GRM8: variants seen among roughly 807,000 people sequenced by gnomAD.
GRM8 encodes metabotropic glutamate receptor 8.
In GRM8, 47 loss-of-function variants were observed where a neutral mutation model predicts 87.2. The ratio of observed to expected loss-of-function variants is 0.54; its 90% confidence interval spans 0.43 to 0.69. The LOEUF is 0.69. GRM8 is among the 30% of genes least tolerant of loss of function. GRM8 has a pLI of 0.00. For synonymous variants in GRM8, 396 were observed against 404.5 expected, an observed-to-expected ratio of 0.98 and a Z score of 0.25; for missense variants, 1,019 against 1,139.2, an observed-to-expected ratio of 0.89 and a Z score of 1.52.
chr7:126,961,364 T>G (rs998001298), intron 3 of GRM8, among the ~76,000 whole-genome samples: 1 of 152,246 alleles, frequency 6.6e-6, no homozygotes, highest in Non-Finnish European at 1.5e-5. Context: ...GTTAATACCC[T>G]TTGCTTAATT....
intron 2 of GRM8, among the ~76,000 whole-genome samples, chr7:127,148,856 A>G (rs1828693876): frequency 6.6e-6 from 1 of 152,092 alleles, no homozygotes; most frequent in Non-Finnish European, 1.5e-5. Flanking sequence ...AGTCTTCAAC[A>G]AATGGTGCAG....
intron 6 of GRM8, among the ~76,000 whole-genome samples, chr7:126,896,617 G>A (rs1801565135): frequency 6.6e-6 from 1 of 152,092 alleles, no homozygotes; most frequent in Admixed American, 6.6e-5. Flanking sequence ...AGTTAATCTA[G>A]CACCAGAAAA....
At chr7:126,561,445 G>C (rs531879872) in intron 8 of GRM8, among the ~76,000 whole-genome samples, 74 of 151,650 alleles carry the variant, frequency 4.9e-4, no homozygotes, top group South Asian at 8.3e-4. Context: ...CTCCAGCCTG[G>C]GCAACAGAGT....
At chr7:126,642,187 T>C (rs1471285737) in intron 7 of GRM8, among the ~76,000 whole-genome samples, 1 of 152,138 alleles carries the variant, frequency 6.6e-6, no homozygotes. Flanking sequence ...TCTTAATGAG[T>C]ATATATTTTA....
At chr7:126,757,860 A>G (rs1257805890) in intron 7 of GRM8, among the ~76,000 whole-genome samples, 1 of 152,084 alleles carries the variant, frequency 6.6e-6, no homozygotes, top group Non-Finnish European at 1.5e-5. Context: ...TATCTATCCT[A>G]TCCTTTTACT....
At chr7:126,488,319 A>C (rs1189177460) in intron 9 of GRM8, among the ~76,000 whole-genome samples, 3 of 151,528 alleles carry the variant, frequency 2.0e-5, no homozygotes, top group Non-Finnish European at 4.4e-5. Context: ...ATGTCAACTC[A>C]GTGAAAAAGA....
At chr7:126,698,331 A>G (rs1043626867) in intron 7 of GRM8, among the ~76,000 whole-genome samples, 9 of 152,158 alleles carry the variant, frequency 5.9e-5, no homozygotes, top group African/African-American at 1.9e-4. Flanking sequence ...AATATAATAG[A>G]ATTGTTCTAT....
At chr7:126,678,943 A>C (rs1807267650) in intron 7 of GRM8, among the ~76,000 whole-genome samples, 1 of 152,256 alleles carries the variant, frequency 6.6e-6, no homozygotes, top group Non-Finnish European at 1.5e-5. Flanking sequence ...GTAAATCATT[A>C]ATAAGAAATT....
At chr7:126,478,929 A>G (rs1806322301) in intron 9 of GRM8, among the ~76,000 whole-genome samples, 1 of 152,118 alleles carries the variant, frequency 6.6e-6, no homozygotes, top group Non-Finnish European at 1.5e-5. Context: ...TATAATAGCC[A>G]TTTTTATAAT....
chr7:126,838,360 C>T (rs1795983834), intron 6 of GRM8, among the ~76,000 whole-genome samples: 1 of 152,196 alleles, frequency 6.6e-6, no homozygotes. Context: ...CACCTTCCTT[C>T]TTTTGTTTCT....
chr7:127,064,519 CAT>C (rs1248213975), intron 3 of GRM8, among the ~76,000 whole-genome samples: 1 of 152,152 alleles, frequency 6.6e-6, no homozygotes, highest in African/African-American at 2.4e-5. Context: ...TGTCATTACA[CAT>C]GAGATGAGTT....
intron 10 of GRM8, among the ~76,000 whole-genome samples, chr7:126,440,049 C>A (rs558087884): frequency 1.2e-4 from 18 of 151,588 alleles, no homozygotes; most frequent in African/African-American, 4.1e-4. Context: ...TTATAGTAAG[C>A]TAAAATAGTA....
intron 2 of GRM8, among the ~76,000 whole-genome samples, chr7:127,208,862 C>T (rs1440400664): frequency 6.6e-6 from 1 of 152,170 alleles, no homozygotes; most frequent in Admixed American, 6.5e-5. Flanking sequence ...ATTGAGTTTT[C>T]CAGTTTATAA....
intron 8 of GRM8, among the ~76,000 whole-genome samples, chr7:126,553,267 G>A (rs1222340684): frequency 2.6e-5 from 4 of 151,954 alleles, no homozygotes; most frequent in Non-Finnish European, 5.9e-5. Context: ...AATCCCAAAT[G>A]TACTCTTCTT....
intron 2 of GRM8, among the ~76,000 whole-genome samples, chr7:127,132,245 TC>T (rs1195028338): frequency 6.6e-6 from 1 of 152,220 alleles, no homozygotes; most frequent in African/African-American, 2.4e-5. Context: ...TTCAAAGTTG[TC>T]GGACAAATTT....
intron 3 of GRM8, among the ~76,000 whole-genome samples, chr7:126,968,980 T>C (rs979824267): frequency 5.6e-4 from 85 of 152,204 alleles, no homozygotes; most frequent in African/African-American, 1.9e-3. Flanking sequence ...TCATGTGAAC[T>C]TTTTTATTTC....
chr7:126,620,451 G>A (rs550547226), intron 7 of GRM8, among the ~76,000 whole-genome samples: 12 of 152,144 alleles, frequency 7.9e-5, no homozygotes, highest in South Asian at 2.1e-4. Flanking sequence ...ATTTTTATTC[G>A]TAGGCATCTC....
At chr7:127,200,579 A>C (rs1795532264) in intron 2 of GRM8, among the ~76,000 whole-genome samples, 1 of 152,174 alleles carries the variant, frequency 6.6e-6, no homozygotes, top group Admixed American at 6.5e-5. Context: ...TCTGCCATCA[A>C]GGCATCAGCA....
At chr7:126,712,350 T>C (rs1811190574) in intron 7 of GRM8, among the ~76,000 whole-genome samples, 1 of 152,146 alleles carries the variant, frequency 6.6e-6, no homozygotes, top group East Asian at 1.9e-4. Flanking sequence ...ATTATAATAA[T>C]AATATCAAAG....
Sources: allele counts gnomAD v4.1 joint callset (sites outside exome capture counted in the v4.1 genomes callset), GRCh38; gene constraint gnomAD v4.1.1; transcripts MANE v1.5; gene names NCBI Gene and HGNC (gene_info 2026-07-23, HGNC 2026-07-21).